GRM7: variants seen among roughly 807,000 people sequenced by gnomAD.
GRM7 encodes the protein glutamate metabotropic receptor 7.
A neutral mutation model predicts 84.5 loss-of-function variants in GRM7; 35 were observed. The ratio of observed to expected loss-of-function variants is 0.41; its 90% CI spans 0.32 to 0.55. The LOEUF (loss-of-function observed/expected upper bound fraction) is 0.55, where lower values mean the gene tolerates loss of function less well. Among genes scored for constraint, GRM7 ranks in the 20% least tolerant of loss-of-function variants. GRM7 has a pLI of 0.19. For missense variants in GRM7, 1,003 were observed against 1,194.6 expected, an observed-to-expected ratio of 0.84 and a Z score of 2.36; for synonymous variants, 487 against 455.1, an observed-to-expected ratio of 1.07 and a Z score of -0.89.
At chr3:7,320,351 G>A (rs764808271) in intron 4 of GRM7, among the ~76,000 whole-genome samples, 1 of 152,038 alleles carries the variant, frequency 6.6e-6, no homozygotes, top group African/African-American at 2.4e-5. Context: ...AGGGAAACCT[G>A]TATATTTTAT....
intron 1 of GRM7, among the ~76,000 whole-genome samples, chr3:6,918,836 C>T (rs933329480): frequency 2.0e-5 from 3 of 152,150 alleles, no homozygotes; most frequent in African/African-American, 7.2e-5. Flanking sequence ...TGATTTTGGA[C>T]ATACTGCACT....
chr3:7,322,354 A>G (rs887144898), intron 4 of GRM7, among the ~76,000 whole-genome samples: 4 of 152,092 alleles, frequency 2.6e-5, no homozygotes, highest in Non-Finnish European at 5.9e-5. Flanking sequence ...TATAAGAGCT[A>G]TCTGATCCCC....
At chr3:7,376,022 G>A (rs1044019535) in intron 4 of GRM7, among the ~76,000 whole-genome samples, 12 of 152,166 alleles carry the variant, frequency 7.9e-5, no homozygotes, top group Admixed American at 2.0e-4. Context: ...GAGCCTTATT[G>A]AGTAGATGAT....
intron 4 of GRM7, among the ~76,000 whole-genome samples, chr3:7,342,969 C>G (rs73113736): frequency 0.042 from 6,368 of 152,216 alleles, 300 homozygotes; most frequent in African/African-American, 0.12. Flanking sequence ...AGTGAGTTCA[C>G]AGATGTTAAG....
chr3:7,600,811 T>C (rs970858575), intron 8 of GRM7, among the ~76,000 whole-genome samples: 2 of 152,196 alleles, frequency 1.3e-5, no homozygotes, highest in African/African-American at 4.8e-5. Flanking sequence ...AAAAGCCACA[T>C]CTGTGATTTC....
rs1682850 is a variant in GRM7 at position 7,517,369 on chromosome 3, T to G, written c.1515+55647T>G. Among the ~76,000 whole-genome samples the G allele has an allele frequency of 1.3e-3, 176 of 140,746 alleles. 1 individual carries two copies. Among genetic ancestry groups the G allele is most frequent in the African/African-American group, 3.5e-3 (138 of 39,562 alleles). The allele number at this position is 140,746 out of a possible 152,430, so 92.3% of individuals were successfully genotyped here. A position where few individuals can be genotyped will look rare whatever the true frequency, so the allele number is the denominator to read the frequency against. ...ATAATAACAGTGGTTACTATTATTATTAGTAGTAGTAGTAGTATTAGTATT... is the reference window on the plus strand; with the variant it reads ...ATAATAACAGTGGTTACTATTATTAGTAGTAGTAGTAGTAGTATTAGTATT... On this transcript the variant is annotated intron_variant, in intron 7 of 9. Transcript: ENST00000357716.
At chr3:7,067,372 C>T (rs1393526125) in intron 1 of GRM7, among the ~76,000 whole-genome samples, 1 of 151,976 alleles carries the variant, frequency 6.6e-6, no homozygotes, top group African/African-American at 2.4e-5. Flanking sequence ...TCTATTACAT[C>T]AACAACGGCC....
chr3:6,957,145 C>T (rs1559351481), intron 1 of GRM7, among the ~76,000 whole-genome samples: 1 of 152,178 alleles, frequency 6.6e-6, no homozygotes, highest in Non-Finnish European at 1.5e-5. Flanking sequence ...ACCCTGGTGT[C>T]GTTTTGGGAC....
At position 7,471,893 on chromosome 3, in the gene GRM7, C is replaced by T. The variant is rs115410739; in HGVS notation, c.1515+10171C>T. Among the ~76,000 whole-genome samples the T allele has an allele frequency of 5.5e-3, 836 of 152,268 alleles. 9 individuals carry two copies. Among genetic ancestry groups the T allele is most frequent in the African/African-American group, 0.019 (792 of 41,550 alleles). ...ATTATTCTTAAATGGGGACTGCTAT[C>T]GTTTGAATGTTTGCCCCCTCCAAAC... On this transcript the variant is annotated intron_variant, in intron 7 of 9. Transcript: ENST00000357716.
At chr3:7,441,682 T>C (rs1162830141) in intron 5 of GRM7, among the ~76,000 whole-genome samples, 1 of 152,172 alleles carries the variant, frequency 6.6e-6, no homozygotes, top group Non-Finnish European at 1.5e-5. Flanking sequence ...GTGGTACAGT[T>C]TCAGTCTTCT....
intron 1 of GRM7, among the ~76,000 whole-genome samples, chr3:7,078,190 G>A (rs756483158): frequency 5.9e-5 from 9 of 152,194 alleles, no homozygotes; most frequent in Admixed American, 1.3e-4. Flanking sequence ...CATGTATCAG[G>A]TATACAAACT....
chr3:7,184,200 A>G (rs1304441790), intron 2 of GRM7, among the ~76,000 whole-genome samples: 1 of 152,142 alleles, frequency 6.6e-6, no homozygotes, highest in African/African-American at 2.4e-5. Context: ...CTTTTATAGC[A>G]GAAAATGCAG....
chr3:7,578,881 C>A lies in GRM7; in HGVS notation c.1975C>A (p.Arg659=). The A allele has an allele frequency of 2.5e-6, 4 of 1,613,964 alleles. No homozygotes were observed. Among genetic ancestry groups the A allele is most frequent in the East Asian group, 2.2e-5 (1 of 44,898 alleles). Residue 659 remains arginine, a synonymous_variant, in exon 8 of 10, where the codon CGA becomes AGA. Coordinates refer to ENST00000357716, the MANE Select transcript of GRM7 (RefSeq NM_000844.4). ...KPDVAVCSFR[R]VFLGLGMCIS... ...AGATGTGGCAGTGTGTTCTTTCCGG[C>A]GAGTTTTCTTGGGCTTGGGTATGTG...
intron 2 of GRM7, among the ~76,000 whole-genome samples, chr3:7,289,944 A>G (rs1699562551): frequency 1.3e-5 from 2 of 152,122 alleles, no homozygotes; most frequent in African/African-American, 4.8e-5. Flanking sequence ...CCAACATGGC[A>G]CATGTATACA....
At chr3:7,605,854 A>C (rs1696535621) in intron 8 of GRM7, among the ~76,000 whole-genome samples, 1 of 152,234 alleles carries the variant, frequency 6.6e-6, no homozygotes, top group African/African-American at 2.4e-5. Flanking sequence ...TCTCCATCAC[A>C]GCTACTGAAC....
At chr3:7,155,747 A>G (rs1694427565) in intron 2 of GRM7, among the ~76,000 whole-genome samples, 1 of 152,134 alleles carries the variant, frequency 6.6e-6, no homozygotes, top group Admixed American at 6.6e-5. Context: ...AAAGCTCCAC[A>G]TTAATTGCAG....
At chr3:7,647,571 G>C (rs1418752090) in intron 8 of GRM7, among the ~76,000 whole-genome samples, 1 of 152,216 alleles carries the variant, frequency 6.6e-6, no homozygotes, top group Non-Finnish European at 1.5e-5. Context: ...GGAGTTGGAA[G>C]TATGAGGGCT....
intron 8 of GRM7, among the ~76,000 whole-genome samples, chr3:7,642,115 G>A (rs998197373): frequency 6.6e-6 from 1 of 152,038 alleles, no homozygotes; most frequent in Non-Finnish European, 1.5e-5. Flanking sequence ...TTAACCAAGG[G>A]CTTGCTTTTC....
At chr3:7,022,367 G>GCACACACACACACACACACACACA (rs71307753) in intron 1 of GRM7, among the ~76,000 whole-genome samples, 45 of 145,638 alleles carry the variant, frequency 3.1e-4, no homozygotes, top group African/African-American at 1.1e-3. Flanking sequence ...ACACACACAT[G>GCACACACACACACACACACACACA]CACACACACA....
Sources: allele counts gnomAD v4.1 joint callset (sites outside exome capture counted in the v4.1 genomes callset), GRCh38; gene constraint gnomAD v4.1.1; transcripts MANE v1.5; gene names NCBI Gene and HGNC (gene_info 2026-07-23, HGNC 2026-07-21).